Variants in ADRA1A observed in about 807,000 individuals in gnomAD.
ADRA1A encodes the protein adrenoceptor alpha 1A, also known as alpha-1A adrenergic receptor.
In ADRA1A, 31 loss-of-function variants were observed where a neutral mutation model predicts 29.6. That is an observed-to-expected ratio of 1.05 (90% CI 0.79 to 1.41). ADRA1A has a LOEUF of 1.41. ADRA1A is among the 40% of genes most tolerant of loss of function. The pLI is 0.00. For missense variants in ADRA1A, 619 were observed against 601.1 expected, an observed-to-expected ratio of 1.03 and a Z score of -0.31; for synonymous variants, 311 against 254.3, an observed-to-expected ratio of 1.22 and a Z score of -2.12.
chr8:26,837,378 T>A (rs190654920), intron 2 of ADRA1A, among the ~76,000 whole-genome samples: 7 of 152,234 alleles, frequency 4.6e-5, no homozygotes, highest in Non-Finnish European at 7.4e-5. Context: ...AGGCTGGGCA[T>A]GGCAACTCAC....
At chr8:26,776,377 A>G (rs1265139956) in intron 2 of ADRA1A, among the ~76,000 whole-genome samples, 1 of 152,198 alleles carries the variant, frequency 6.6e-6, no homozygotes, top group Admixed American at 6.5e-5. Flanking sequence ...AAAACTTGAC[A>G]TCTTAATGAC....
exon 3 of ADRA1A, chr8:26,748,494 A>G: frequency 3.8e-6 from 1 of 265,418 alleles, no homozygotes; most frequent in South Asian, 3.4e-5. Context: ...TAATCCCAGC[A>G]CTTTGGGAGG....
intron 2 of ADRA1A, among the ~76,000 whole-genome samples, chr8:26,820,557 A>G (rs151179930): frequency 7.0e-4 from 106 of 152,318 alleles, no homozygotes; most frequent in African/African-American, 2.5e-3. Flanking sequence ...TTCTCAGTGT[A>G]GACTTTTCAC....
In ADRA1A at chr8:26,866,320, A is replaced by G. The variant is rs1359171745; in HGVS notation, c.-687+616T>C. On this transcript the variant is annotated intron_variant, in intron 1 of 2. Coordinates refer to ENST00000380573, the MANE Select transcript of ADRA1A (RefSeq NM_000680.4). This position sits in a 1 kb window ranked among gnomAD's most constrained non-coding sequence, Gnocchi z 5.7. ...TGTCCACGACGCCTTTCCAAGCCTC[A>G]CTGTTGGCCACCCGAGGGGCTCCAG... Among the ~76,000 whole-genome samples, 1 of 152,104 alleles carries G rather than the reference A, an allele frequency of 6.6e-6. No homozygotes were observed. Among genetic ancestry groups the G allele is most frequent in the Non-Finnish European group, 1.5e-5 (1 of 68,004 alleles).
chr8:26,789,174 T>C lies in ADRA1A; in HGVS notation c.884-18508A>G, dbSNP rs573397531. Among the ~76,000 whole-genome samples the C allele has an allele frequency of 1.4e-4, 21 of 151,998 alleles. 1 individual carries two copies. In the South Asian group the frequency reaches 4.4e-3, roughly 32 times the overall value. On this transcript the variant is annotated intron_variant, in intron 2 of 2. Coordinates refer to ENST00000380573, the MANE Select transcript of ADRA1A (RefSeq NM_000680.4). ...GTTTTTAAAAAGGGTAAAATTCATATGGAACCACAAAAGACCCCAAATGGC... is the reference window on the plus strand; with the variant it reads ...GTTTTTAAAAAGGGTAAAATTCATACGGAACCACAAAAGACCCCAAATGGC...
intron 2 of ADRA1A, among the ~76,000 whole-genome samples, chr8:26,759,780 G>A (rs187694694): frequency 4.6e-5 from 7 of 152,310 alleles, no homozygotes; most frequent in East Asian, 3.9e-4. Context: ...GAGAAGAAAC[G>A]CAATTTTTAA....
intron 2 of ADRA1A, among the ~76,000 whole-genome samples, chr8:26,776,407 C>A (rs756422631): frequency 6.6e-6 from 1 of 152,202 alleles, no homozygotes; most frequent in Non-Finnish European, 1.5e-5. Flanking sequence ...AGACACTGGG[C>A]TATGGTAAAC....
intron 2 of ADRA1A, among the ~76,000 whole-genome samples, chr8:26,834,012 G>C (rs1340095417): frequency 6.6e-6 from 1 of 152,198 alleles, no homozygotes; most frequent in Non-Finnish European, 1.5e-5. Flanking sequence ...AAAGTTATTA[G>C]CTGGAAAAAG....
At chr8:26,844,366 T>C (rs1812048850) in intron 2 of ADRA1A, among the ~76,000 whole-genome samples, 1 of 152,226 alleles carries the variant, frequency 6.6e-6, no homozygotes, top group South Asian at 2.1e-4. Flanking sequence ...TGTCCTATTC[T>C]ACATCATTTT....
At chr8:26,765,701 G>A (rs1282643694), downstream of ADRA1A, among the ~76,000 whole-genome samples, 1 of 152,184 alleles carries the variant, frequency 6.6e-6, no homozygotes, top group Admixed American at 6.5e-5. Flanking sequence ...ATCTGCTTCA[G>A]TGCCCTTTGC....
intron 2 of ADRA1A, among the ~76,000 whole-genome samples, chr8:26,797,404 C>G (rs1359943273): frequency 6.6e-6 from 1 of 151,960 alleles, no homozygotes; most frequent in Non-Finnish European, 1.5e-5. Context: ...TTAAGCAATC[C>G]CCCTGACTTA....
rs550857942 is a variant in ADRA1A, at chr8:26,792,680, A to G, written c.884-22014T>C. ...TACTTTGTAAGCATCAAATGAATTA[A>G]TGTAGACAGGAATATATAGATCAGT... On this transcript the variant is annotated intron_variant, in intron 2 of 2. Coordinates refer to ENST00000380573, the MANE Select transcript of ADRA1A (RefSeq NM_000680.4). Among the ~76,000 whole-genome samples the G allele has an allele frequency of 6.8e-5, 10 of 148,000 alleles. No homozygotes were observed. In the East Asian group the frequency reaches 2.0e-3, roughly 29 times the overall value.
chr8:26,757,080 CA>C (rs1366249276), intron 2 of ADRA1A: 2 of 702,678 alleles, frequency 2.8e-6, no homozygotes, highest in African/African-American at 1.7e-5. Flanking sequence ...GGGCCAACAC[CA>C]ATCCGTTCAT....
chr8:26,766,699 A>G (rs1805810748), downstream of ADRA1A, among the ~76,000 whole-genome samples: 1 of 152,064 alleles, frequency 6.6e-6, no homozygotes, highest in Non-Finnish European at 1.5e-5. Flanking sequence ...GAATAGGGAG[A>G]CCCAGGTTTA....
chr8:26,812,860 G>T (rs1585743137), intron 2 of ADRA1A, among the ~76,000 whole-genome samples: 1 of 151,674 alleles, frequency 6.6e-6, no homozygotes, highest in Non-Finnish European at 1.5e-5. Context: ...AGAGACTGGA[G>T]TTTCACCGTG....
At chr8:26,777,312 C>A (rs1806621050) in intron 2 of ADRA1A, among the ~76,000 whole-genome samples, 1 of 152,188 alleles carries the variant, frequency 6.6e-6, no homozygotes, top group Non-Finnish European at 1.5e-5. Flanking sequence ...CCATGACTGA[C>A]ATGAAATGTG....
rs1422385364 is a variant in ADRA1A, at chr8:26,866,963, TCG to T, written c.-716_-715del. 3.0e-6 allele frequency: 3 copies of T among 985,030 alleles called. No homozygotes were observed. In the African/African-American group the frequency reaches 5.2e-5, roughly 17 times the overall value. 61.0% of individuals were successfully genotyped at this position (985,030 alleles called of 1,614,324 possible). Reference sequence around the variant, plus strand: ...GAAGCGCCGCTGCTGAGCCACCAGCTCGCGCGCGGGGGATGTGGACCCGGCTT... The same window carrying T: ...GAAGCGCCGCTGCTGAGCCACCAGCTCGCGCGGGGGATGTGGACCCGGCTT... On this transcript the variant is annotated 5_prime_UTR_variant, in exon 1 of 3. Coordinates refer to ENST00000380573, the MANE Select transcript of ADRA1A (RefSeq NM_000680.4). This position sits in a 1 kb window ranked among gnomAD's most constrained non-coding sequence, Gnocchi z 5.7.
At chr8:26,780,627 A>C (rs901961057) in intron 2 of ADRA1A, among the ~76,000 whole-genome samples, 1 of 152,168 alleles carries the variant, frequency 6.6e-6, no homozygotes, top group Admixed American at 6.5e-5. Context: ...TCTTTATAGC[A>C]GGGAAACCCC....
At chr8:26,795,073 A>G (rs1435362639) in intron 2 of ADRA1A, among the ~76,000 whole-genome samples, 1 of 152,152 alleles carries the variant, frequency 6.6e-6, no homozygotes, top group African/African-American at 2.4e-5. Flanking sequence ...GTTGCAATGA[A>G]TATTCCATTA....
Sources: allele counts gnomAD v4.1 joint callset (sites outside exome capture counted in the v4.1 genomes callset), GRCh38; gene constraint gnomAD v4.1.1; non-coding constraint Gnocchi (gnomAD v3.1); transcripts MANE v1.5; gene names NCBI Gene and HGNC (gene_info 2026-07-23, HGNC 2026-07-21).